STARD13: variants seen among roughly 807,000 people sequenced by gnomAD.
The protein encoded by STARD13 is StAR related lipid transfer domain containing 13.
A neutral mutation model predicts 106.4 loss-of-function variants in STARD13; 62 were observed. The observed-to-expected ratio is 0.58, with a 90% CI of 0.48 to 0.72. STARD13 has a LOEUF of 0.72. Among genes scored for constraint, STARD13 ranks in the 30% least tolerant of loss-of-function variants. STARD13 has a pLI of 0.00. For missense variants in STARD13, 1,387 were observed against 1,424.0 expected, an observed-to-expected ratio of 0.97 and a Z score of 0.42; for synonymous variants, 565 against 553.0, an observed-to-expected ratio of 1.02 and a Z score of -0.31.
chr13:33,649,639 C>A, the STARD13 span, among the ~76,000 whole-genome samples: 1 of 152,172 alleles, frequency 6.6e-6, no homozygotes, highest in Non-Finnish European at 1.5e-5. Flanking sequence ...TAATGACTAT[C>A]TCCATCCATT....
At chr13:33,515,130 C>T in the STARD13 span, among the ~76,000 whole-genome samples, 4 of 152,136 alleles carry the variant, frequency 2.6e-5, no homozygotes, top group East Asian at 7.7e-4. Context: ...AATGTTCTGG[C>T]TTCAGTTCCT....
intron 1 of STARD13, among the ~76,000 whole-genome samples, chr13:33,331,834 C>T (rs1487659069): frequency 1.3e-5 from 2 of 149,870 alleles, no homozygotes; most frequent in African/African-American, 2.4e-5. Flanking sequence ...TAATTTCTCC[C>T]ATTTGCATAA....
the STARD13 span, among the ~76,000 whole-genome samples, chr13:33,398,991 A>G: frequency 6.6e-6 from 1 of 152,238 alleles, no homozygotes. Flanking sequence ...CAAACAACTC[A>G]AAAGTCTGTC....
chr13:33,171,242 C>G (rs1170289740), intron 1 of STARD13, among the ~76,000 whole-genome samples: 1 of 152,138 alleles, frequency 6.6e-6, no homozygotes, highest in Non-Finnish European at 1.5e-5. Flanking sequence ...AGCTCCAGGG[C>G]TGCAAGGCAA....
the STARD13 span, among the ~76,000 whole-genome samples, chr13:33,519,396 G>T: frequency 6.9e-6 from 1 of 145,404 alleles, no homozygotes; most frequent in African/African-American, 2.6e-5. Flanking sequence ...CACCATGTTG[G>T]TCAGGCTGGT....
At chr13:33,499,539 T>G in the STARD13 span, among the ~76,000 whole-genome samples, 4 of 48,124 alleles carry the variant, frequency 8.3e-5, no homozygotes, top group Admixed American at 9.5e-4. Flanking sequence ...TTCTTCTTCT[T>G]CTTCTTCTTC....
the STARD13 span, among the ~76,000 whole-genome samples, chr13:33,641,023 C>T: frequency 6.6e-6 from 1 of 152,152 alleles, no homozygotes; most frequent in Non-Finnish European, 1.5e-5. Context: ...TTAGGTTCAA[C>T]AAAGTATGCA....
intron 1 of STARD13, among the ~76,000 whole-genome samples, chr13:33,192,981 A>T (rs797202): frequency 0.52 from 79,655 of 152,092 alleles, 21,433 homozygotes; most frequent in African/African-American, 0.64. Context: ...CAAGGTCACA[A>T]ATGGGATGCT....
chr13:33,308,520 C>CTTTTTTTTTTTTTTTTTTTTTTTG (rs552526416), intron 1 of STARD13, among the ~76,000 whole-genome samples: 3 of 88,552 alleles, frequency 3.4e-5, no homozygotes, highest in Admixed American at 1.5e-4. Context: ...CTTTTTCTTT[C>CTTTTTTTTTTTTTTTTTTTTTTTG]TTTTTTTTTT....
chr13:33,265,102 C>T (rs1027287465), intron 1 of STARD13, among the ~76,000 whole-genome samples: 14 of 152,162 alleles, frequency 9.2e-5, no homozygotes, highest in Non-Finnish European at 4.4e-5. Flanking sequence ...TTGAAGCACA[C>T]AAACTCTGTT....
chr13:33,636,045 G>A, the STARD13 span, among the ~76,000 whole-genome samples: 1 of 149,224 alleles, frequency 6.7e-6, no homozygotes, highest in East Asian at 2.0e-4. Flanking sequence ...GGGAGTCTGA[G>A]ACAGGAGAAT....
chr13:33,288,650 C>A (rs1230382874), upstream of STARD13, among the ~76,000 whole-genome samples: 2 of 150,498 alleles, frequency 1.3e-5, no homozygotes, highest in Non-Finnish European at 3.0e-5. Context: ...AATGAAGCCT[C>A]ATTTTTTCAA....
upstream of STARD13, among the ~76,000 whole-genome samples, chr13:33,353,444 C>A (rs950181690): frequency 5.9e-5 from 9 of 152,120 alleles, no homozygotes; most frequent in African/African-American, 2.2e-4. Context: ...GGCTGTCAGG[C>A]GACACCCTCC....
chr13:33,615,413 G>C, the STARD13 span, among the ~76,000 whole-genome samples: 1 of 152,180 alleles, frequency 6.6e-6, no homozygotes. Flanking sequence ...TAAACTTAAA[G>C]ATCCACAAGC....
intron 1 of STARD13, among the ~76,000 whole-genome samples, chr13:33,317,941 G>A (rs2321172): frequency 0.98 from 150,027 of 152,316 alleles, 73,925 homozygotes; most frequent in Non-Finnish European, 1. Context: ...CAATAAACCA[G>A]TTCCCAAGAA....
the STARD13 span, among the ~76,000 whole-genome samples, chr13:33,429,246 T>C: frequency 6.6e-6 from 1 of 152,314 alleles, no homozygotes; most frequent in Non-Finnish European, 1.5e-5. Context: ...CAGCAATGTT[T>C]ACAATAGCTA....
chr13:33,255,106 CCCT>C (rs1566101252), intron 1 of STARD13, among the ~76,000 whole-genome samples: 1 of 144,846 alleles, frequency 6.9e-6, no homozygotes, highest in Non-Finnish European at 1.5e-5. Flanking sequence ...GCTCCCCCCC[CCCT>C]CAGAGGCTTG....
the STARD13 span, among the ~76,000 whole-genome samples, chr13:33,648,014 G>T: frequency 1.3e-5 from 2 of 152,076 alleles, no homozygotes; most frequent in South Asian, 2.1e-4. Context: ...GAGACTTAAG[G>T]TCTGTTTCTA....
intron 1 of STARD13, among the ~76,000 whole-genome samples, chr13:33,321,951 A>T (rs1476201696): frequency 2.0e-5 from 3 of 152,240 alleles, no homozygotes; most frequent in African/African-American, 7.2e-5. Context: ...TAATTTGTGC[A>T]TCAGGCTAAG....
Sources: allele counts gnomAD v4.1 joint callset (sites outside exome capture counted in the v4.1 genomes callset), GRCh38; gene constraint gnomAD v4.1.1; transcripts MANE v1.5; gene names NCBI Gene and HGNC (gene_info 2026-07-23, HGNC 2026-07-21).